Variants in ABCC9 observed in about 807,000 individuals in gnomAD.
The protein encoded by ABCC9 is ATP binding cassette subfamily C member 9.
ABCC9 carries 95 observed loss-of-function variants against 188.3 expected under a neutral mutation model. The observed-to-expected ratio is 0.50, with a 90% CI of 0.43 to 0.60. The LOEUF (loss-of-function observed/expected upper bound fraction) is 0.60. ABCC9 is among the 20% of genes least tolerant of loss of function. ABCC9 has a pLI of 0.00. For missense variants in ABCC9, 1,102 were observed against 1,876.3 expected, an observed-to-expected ratio of 0.59 and a Z score of 7.62; for synonymous variants, 659 against 652.7, an observed-to-expected ratio of 1.01 and a Z score of -0.15.
intron 39 of ABCC9, chr12:21,805,317 G>C (rs1941761349): frequency 3.1e-6 from 5 of 1,613,096 alleles, no homozygotes; most frequent in African/African-American, 2.7e-5. Context: ...CGGTGCTGGA[G>C]AGAAAAATAG....
intron 18 of ABCC9, among the ~76,000 whole-genome samples, chr12:21,869,318 A>G (rs976313427): frequency 6.6e-6 from 1 of 152,190 alleles, no homozygotes; most frequent in Admixed American, 6.5e-5. Context: ...GGTTCATTCC[A>G]CAGCTACCAT....
At chr12:21,911,869 T>C (rs1948340974) in intron 8 of ABCC9, among the ~76,000 whole-genome samples, 1 of 149,122 alleles carries the variant, frequency 6.7e-6, no homozygotes, top group Non-Finnish European at 1.5e-5. Context: ...CACCAAAGTG[T>C]ATTCAGTGGT....
At chr12:21,816,680 A>G (rs1489425599) in intron 33 of ABCC9, among the ~76,000 whole-genome samples, 1 of 152,172 alleles carries the variant, frequency 6.6e-6, no homozygotes, top group Non-Finnish European at 1.5e-5. Flanking sequence ...GGTCTTAGCT[A>G]AGTTTTCTGG....
intron 29 of ABCC9, among the ~76,000 whole-genome samples, chr12:21,838,654 C>CTA (rs1449389245): frequency 6.6e-6 from 1 of 152,034 alleles, no homozygotes; most frequent in Non-Finnish European, 1.5e-5. Flanking sequence ...TAGGAAGAGG[C>CTA]TATGTAAAGG....
At chr12:21,804,501 CT>C (rs1158300888) in intron 39 of ABCC9, among the ~76,000 whole-genome samples, 2 of 152,172 alleles carry the variant, frequency 1.3e-5, no homozygotes, top group African/African-American at 4.8e-5. Context: ...CTGAATAATT[CT>C]TTTTCAAGTT....
At chr12:21,914,662 G>A (rs759092849) in intron 7 of ABCC9, among the ~76,000 whole-genome samples, 11 of 152,086 alleles carry the variant, frequency 7.2e-5, no homozygotes, top group Admixed American at 6.6e-4. Context: ...CGTGGTAATG[G>A]ATTAGTTATA....
intron 7 of ABCC9, among the ~76,000 whole-genome samples, chr12:21,914,724 A>G (rs1948463420): frequency 6.6e-6 from 1 of 152,090 alleles, no homozygotes; most frequent in Admixed American, 6.6e-5. Context: ...TGTCCCAGAG[A>G]AAAGACAGTA....
chr12:21,862,779 T>G (rs1287207965), intron 20 of ABCC9, among the ~76,000 whole-genome samples, 174 bp downstream of exon 20: 2 of 152,094 alleles, frequency 1.3e-5, no homozygotes, highest in Non-Finnish European at 2.9e-5. Flanking sequence ...GAACTTCCAG[T>G]GAGGCTTCTC....
At position 21,876,135 on chromosome 12, in the gene ABCC9, AT is replaced by A. The variant is rs765792148; in HGVS notation, c.2020-410del. Among the ~76,000 whole-genome samples, 21 of 152,190 alleles carry A rather than the reference AT, an allele frequency of 1.4e-4. 1 individual carries two copies. The highest frequency in any genetic ancestry group is 2.1e-4 in the Non-Finnish European group (14 of 68,020). On this transcript the variant is annotated intron_variant, in intron 16 of 39. Coordinates refer to ENST00000261200, the MANE Select transcript of ABCC9 (RefSeq NM_020297.4). ...TAGAACACACAACGGTGAAATTCTG[AT>A]TTAGAGTTACGGCTATTTAGTGGTA... is the stretch of plus-strand genomic sequence containing the variant.
intron 7 of ABCC9, among the ~76,000 whole-genome samples, chr12:21,915,398 G>GTGTGTATA (rs1948533233): frequency 7.8e-6 from 1 of 128,904 alleles, no homozygotes; most frequent in Admixed American, 8.1e-5. Flanking sequence ...GTGTATATAT[G>GTGTGTATA]TATGTGTATA....
Position 21,797,557 on chromosome 12 carries a change from T to C in ABCC9, c.*3487A>G, listed in dbSNP as rs1222481493. On this transcript the variant is annotated 3_prime_UTR_variant, in exon 40 of 40. Coordinates refer to ENST00000261200, the MANE Select transcript of ABCC9 (RefSeq NM_020297.4). The stretch of plus-strand genomic sequence containing the variant: ...AAGGAAAGAGAATAACCTATAGTTA[T>C]AGGCACATGGCAGTAAAACTAATCA... The C allele has an allele frequency of 6.7e-6, 1 of 149,694 alleles. No homozygotes were observed. Among genetic ancestry groups the C allele is most frequent in the Non-Finnish European group, 1.5e-5 (1 of 68,000 alleles). The allele number at this position is 149,694 out of a possible 1,614,324, so 9.3% of individuals were successfully genotyped here. A position where few individuals can be genotyped will look rare whatever the true frequency, so the allele number is the denominator to read the frequency against.
At position 21,818,265 on chromosome 12, in the gene ABCC9, A is replaced by C; in HGVS notation, c.3670-14T>G. ...TCCCAGATAATCCTTTGAAAAAGCAAGAGAAAATGTTAAAAGGTTACTCCC... is the reference window on the plus strand; with the variant it reads ...TCCCAGATAATCCTTTGAAAAAGCACGAGAAAATGTTAAAAGGTTACTCCC... On this transcript the variant is annotated splice_polypyrimidine_tract_variant and intron_variant, in intron 31 of 39. Transcript: ENST00000261200. The C allele has an allele frequency of 6.2e-7, 1 of 1,607,590 alleles. No individual in the cohort carries two copies. The highest frequency in any genetic ancestry group is 1.1e-5 in the South Asian group (1 of 90,952).
chr12:21,868,300 A>G lies in ABCC9; in HGVS notation c.2199-3823T>C, dbSNP rs1338293682. On this transcript the variant is annotated intron_variant, in intron 18 of 39. Coordinates refer to ENST00000261200, the MANE Select transcript of ABCC9 (RefSeq NM_020297.4). ...ATTTCCTGCTGCAGTAGGTCAGAGT[A>G]CTTTACTCGATTTTGTTCATGCCTG... 3.3e-5 allele frequency among the ~76,000 whole-genome samples: 5 copies of G among 152,180 alleles called. 1 individual carries two copies. Among genetic ancestry groups the G allele is most frequent in the Non-Finnish European group, 7.3e-5 (5 of 68,028 alleles).
intron 18 of ABCC9, among the ~76,000 whole-genome samples, chr12:21,871,164 T>G (rs1946053112): frequency 6.6e-6 from 1 of 152,166 alleles, no homozygotes; most frequent in African/African-American, 2.4e-5. Flanking sequence ...CACAATGTAA[T>G]TAAATCCAGT....
chr12:21,828,397 G>A (rs1943516684), intron 31 of ABCC9: 1 of 175,946 alleles, frequency 5.7e-6, no homozygotes, highest in African/African-American at 2.4e-5. Context: ...CCCATACAAG[G>A]TACAAGGTAC....
intron 18 of ABCC9, among the ~76,000 whole-genome samples, chr12:21,870,921 T>G (rs1366975196): frequency 3.3e-5 from 5 of 152,190 alleles, no homozygotes; most frequent in Admixed American, 3.3e-4. Context: ...CTTTATTCAT[T>G]AACACAATGA....
chr12:21,831,076 C>T (rs1404072479), intron 30 of ABCC9: 3 of 141,994 alleles, frequency 2.1e-5, no homozygotes, highest in Admixed American at 7.2e-5. Context: ...TTTTTTGAGA[C>T]AGTCTCACTC....
chr12:21,874,284 T>C (rs1219773482), intron 17 of ABCC9, among the ~76,000 whole-genome samples: 1 of 152,014 alleles, frequency 6.6e-6, no homozygotes, highest in Non-Finnish European at 1.5e-5. Flanking sequence ...ATCAGGGAAA[T>C]GCAAATCAAA....
In ABCC9 at chr12:21,910,716, A is replaced by G. The variant is rs1043690876; in HGVS notation, c.1164+110T>C. On this transcript the variant is annotated intron_variant, in intron 9 of 39. Transcript: ENST00000261200. Reference sequence around the variant, plus strand: ...ATTATAGAAACGTTGTTGTTGTAATACCAAAATGAAAATGGAATGAAAAAA... The same window carrying G: ...ATTATAGAAACGTTGTTGTTGTAATGCCAAAATGAAAATGGAATGAAAAAA... 7 of 967,570 alleles carry G rather than the reference A, an allele frequency of 7.2e-6. No individual in the cohort carries two copies. In the Admixed American group the frequency reaches 1.5e-4, roughly 20 times the overall value. The allele number at this position is 967,570 out of a possible 1,614,324, so 59.9% of individuals were successfully genotyped here. A position where few individuals can be genotyped will look rare whatever the true frequency, so the allele number is the denominator to read the frequency against.
Sources: allele counts gnomAD v4.1 joint callset (sites outside exome capture counted in the v4.1 genomes callset), GRCh38; gene constraint gnomAD v4.1.1; transcripts MANE v1.5; gene names NCBI Gene and HGNC (gene_info 2026-07-23, HGNC 2026-07-21).